TMCO6: variants seen among roughly 807,000 people sequenced by gnomAD.
TMCO6 encodes the protein transmembrane and coiled-coil domain-containing protein 6.
TMCO6 carries 47 observed loss-of-function variants against 61.8 expected under a neutral mutation model. The ratio of observed to expected loss-of-function variants is 0.76; its 90% CI spans 0.60 to 0.97. TMCO6 has a LOEUF of 0.97. Among genes scored for constraint, TMCO6 ranks in the 50% least tolerant of loss-of-function variants. The pLI is 0.00. For missense variants in TMCO6, 557 were observed against 601.6 expected, an observed-to-expected ratio of 0.93 and a Z score of 0.78; for synonymous variants, 261 against 254.2, an observed-to-expected ratio of 1.03 and a Z score of -0.25.
the TMCO6 span, among the ~76,000 whole-genome samples, chr5:140,612,327 G>C: frequency 1.1e-3 from 153 of 137,894 alleles, 1 homozygote; most frequent in African/African-American, 3.8e-3. Context: ...AACACAACTT[G>C]CCCAATCTTT....
At chr5:140,631,703 A>C in the TMCO6 span, 1 of 711,772 alleles carries the variant, frequency 1.4e-6, no homozygotes. Flanking sequence ...GACATCCAAT[A>C]AAGGTCTGTT....
chr5:140,608,844 A>C, the TMCO6 span, among the ~76,000 whole-genome samples: 1 of 152,134 alleles, frequency 6.6e-6, no homozygotes, highest in Non-Finnish European at 1.5e-5. Context: ...CTTCTATTCC[A>C]TTGATCTGTC....
upstream of TMCO6, among the ~76,000 whole-genome samples, chr5:140,635,340 C>T (rs1357599774): frequency 6.6e-6 from 1 of 152,240 alleles, no homozygotes; most frequent in Non-Finnish European, 1.5e-5. Flanking sequence ...AGACTTGGGC[C>T]TCCCTTCTGT....
Position 140,644,125 on chromosome 5 carries a change from C to G in TMCO6, c.1131C>G (p.Ser377=). ...CAAACAGTCCTAGTTTCTGTACCTC[C>G]TTGCTCTCCCTGGATCTGATTGAGC... ...LTANSPSFCT[S]LLSLDLIEPL... Residue 377 remains serine, a synonymous_variant, in exon 10 of 12, where the codon TCC becomes TCG. Coordinates refer to ENST00000394671, the MANE Select transcript of TMCO6 (RefSeq NM_018502.5). 6.2e-7 allele frequency: 1 copy of G among 1,614,206 alleles called. No homozygotes were observed. The highest frequency in any genetic ancestry group is 1.3e-5 in the African/African-American group (1 of 75,046).
chr5:140,643,118 G>A (rs895518026), intron 7 of TMCO6, 77 bp downstream of exon 7: 90 of 1,593,154 alleles, frequency 5.6e-5, no homozygotes, highest in Non-Finnish European at 6.7e-5. Context: ...TTGAACTTGT[G>A]TCTGGAATTG....
chr5:140,618,290 G>A, the TMCO6 span, among the ~76,000 whole-genome samples: 157 of 152,180 alleles, frequency 1.0e-3, no homozygotes, highest in African/African-American at 2.5e-3. Flanking sequence ...TGAGCCAGGC[G>A]TGGTGGTGCA....
chr5:140,608,558 T>A, the TMCO6 span, among the ~76,000 whole-genome samples: 2 of 152,256 alleles, frequency 1.3e-5, no homozygotes, highest in African/African-American at 4.8e-5. Context: ...GAGTCATATC[T>A]AATAATCCAC....
At chr5:140,626,382 C>A in the TMCO6 span, among the ~76,000 whole-genome samples, 6 of 151,944 alleles carry the variant, frequency 3.9e-5, no homozygotes, top group African/African-American at 1.5e-4. Flanking sequence ...TCTCATAAAC[C>A]TTTTATTACC....
chr5:140,634,392 A>G, the TMCO6 span, among the ~76,000 whole-genome samples: 2 of 152,126 alleles, frequency 1.3e-5, no homozygotes, highest in Non-Finnish European at 2.9e-5. Context: ...AAAAAACAAC[A>G]AATGTCCCAG....
intron 9 of TMCO6, 35 bp downstream of exon 9, chr5:140,644,001 G>C (rs373034559): frequency 8.1e-6 from 13 of 1,613,436 alleles, no homozygotes; most frequent in Non-Finnish European, 1.1e-5. Flanking sequence ...CTGGACATTT[G>C]GATAATGGGG....
chr5:140,619,014 G>A, the TMCO6 span, among the ~76,000 whole-genome samples: 3 of 152,136 alleles, frequency 2.0e-5, no homozygotes, highest in Non-Finnish European at 4.4e-5. Context: ...GAAAGACATT[G>A]CCAAGAGAAT....
chr5:140,632,825 A>T, the TMCO6 span: 1 of 1,614,014 alleles, frequency 6.2e-7, no homozygotes, highest in Non-Finnish European at 8.5e-7. This position sits in a 1 kb window ranked among gnomAD's most constrained non-coding sequence, Gnocchi z 6.2. Flanking sequence ...CCTCTACTGC[A>T]GACACACACT....
chr5:140,641,812 T>C (rs896614303), intron 3 of TMCO6, 32 bp downstream of exon 3: 2 of 1,613,398 alleles, frequency 1.2e-6, no homozygotes, highest in Non-Finnish European at 1.7e-6. Flanking sequence ...GAGGGAGGAG[T>C]TGGGGCTCTG....
At position 140,645,094 on chromosome 5, in the gene TMCO6, G is replaced by C. The variant is rs771399100; in HGVS notation, c.1478G>C (p.Gly493Ala). ...VYALQQTALQ[G>A] ...GCTCTCCAGCAGACAGCTCTTCAAG[G>C]GTGATCTTGTTTCTCAATGTCACTC... The change falls in exon 12 of 12, where the codon GGG becomes GCG. Residue 493 changes from glycine to alanine, a missense_variant. Coordinates refer to ENST00000394671, the MANE Select transcript of TMCO6 (RefSeq NM_018502.5). 6.2e-7 allele frequency: 1 copy of C among 1,613,956 alleles called. No homozygotes were observed. The highest frequency in any genetic ancestry group is 8.5e-7 in the Non-Finnish European group (1 of 1,179,936).
At position 140,644,967 on chromosome 5, in the gene TMCO6, TTTC is replaced by T. The variant is rs1194873561; in HGVS notation, c.1369-14_1369-12del. The T allele has an allele frequency of 1.2e-6, 2 of 1,613,132 alleles. No individual in the cohort carries two copies. The highest frequency in any genetic ancestry group is 1.3e-5 in the African/African-American group (1 of 74,908). On this transcript the variant is annotated splice_polypyrimidine_tract_variant and intron_variant, in intron 11 of 11. Transcript: ENST00000394671. ...GACACAGAGACCAGGTGTGTTGAAT[TTTC>T]TTCCCTGCCCCTAGGCTGTTCAGGT...
chr5:140,597,029 T>C, the TMCO6 span, among the ~76,000 whole-genome samples: 2 of 152,184 alleles, frequency 1.3e-5, no homozygotes, highest in Non-Finnish European at 2.9e-5. Context: ...TTCTAAAGAT[T>C]TTTGAAGCTC....
At chr5:140,642,151 T>C (rs866735503) in intron 4 of TMCO6, 98 bp downstream of exon 4, 14 of 1,495,746 alleles carry the variant, frequency 9.4e-6, no homozygotes, top group Middle Eastern at 3.5e-4. Flanking sequence ...GAAAACATGT[T>C]TGCCCTTATG....
At chr5:140,628,933 A>T in the TMCO6 span, among the ~76,000 whole-genome samples, 1 of 152,154 alleles carries the variant, frequency 6.6e-6, no homozygotes, top group Non-Finnish European at 1.5e-5. Context: ...GTACAAAGGG[A>T]TGATTCATAT....
the TMCO6 span, among the ~76,000 whole-genome samples, chr5:140,617,804 C>T: frequency 6.6e-6 from 1 of 151,996 alleles, no homozygotes; most frequent in Non-Finnish European, 1.5e-5. Context: ...GAGATACCTC[C>T]TCACACTCAT....
Sources: gnomAD v4.1 joint callset for allele counts (sites outside exome capture counted in the v4.1 genomes callset) on GRCh38, gnomAD v4.1.1 for gene constraint, Gnocchi (gnomAD v3.1) non-coding constraint, MANE v1.5 for transcripts, NCBI Gene and HGNC (gene_info 2026-07-23, HGNC 2026-07-21) for gene names.